Variants in SNTB1 observed in about 807,000 individuals in gnomAD.
SNTB1 encodes the protein beta-1-syntrophin.
Under a neutral mutation model 48.9 loss-of-function variants are expected in SNTB1, and 36 were observed. That is an observed-to-expected ratio of 0.74 (90% CI 0.56 to 0.97). SNTB1 has a LOEUF of 0.97. Ranked by LOEUF, SNTB1 falls within the 50% of genes least tolerant of loss-of-function variation. The pLI is 0.00. For missense variants in SNTB1, 786 were observed against 703.4 expected, an observed-to-expected ratio of 1.12 and a Z score of -1.33; for synonymous variants, 299 against 294.6, an observed-to-expected ratio of 1.01 and a Z score of -0.15.
chr8:120,698,825 A>G (rs1346778190), intron 1 of SNTB1, among the ~76,000 whole-genome samples: 1 of 152,212 alleles, frequency 6.6e-6, no homozygotes, highest in Admixed American at 6.5e-5. Context: ...AATTGGAAAT[A>G]GAGTGTGTGA....
intron 2 of SNTB1, among the ~76,000 whole-genome samples, chr8:120,692,351 G>A (rs1818142807): frequency 6.6e-6 from 1 of 152,112 alleles, no homozygotes; most frequent in African/African-American, 2.4e-5. Context: ...ATTCGGGTGG[G>A]TTGCAGCTGT....
intron 1 of SNTB1, among the ~76,000 whole-genome samples, chr8:120,751,552 A>G (rs528075947): frequency 1.3e-5 from 2 of 152,258 alleles, no homozygotes; most frequent in East Asian, 3.9e-4. Context: ...TTGGCACTGG[A>G]AGTAAATGTC....
At chr8:120,689,264 C>T (rs1475556574) in intron 2 of SNTB1, among the ~76,000 whole-genome samples, 1 of 152,180 alleles carries the variant, frequency 6.6e-6, no homozygotes, top group Non-Finnish European at 1.5e-5. Flanking sequence ...GATGCTGTGG[C>T]ATTTGTCATT....
At chr8:120,757,941 G>T (rs1819346260) in intron 1 of SNTB1, among the ~76,000 whole-genome samples, 1 of 152,108 alleles carries the variant, frequency 6.6e-6, no homozygotes. Context: ...GAGAAGAACA[G>T]AGAAAACTGG....
rs112663303 is a variant in SNTB1 at position 120,806,543 on chromosome 8, G to A, written c.571+4730C>T. Among the ~76,000 whole-genome samples, 626 of 152,268 alleles carry A rather than the reference G, an allele frequency of 4.1e-3. 1 individual carries two copies. Among genetic ancestry groups the A allele is most frequent in the Middle Eastern group, 0.017 (5 of 294 alleles). On this transcript the variant is annotated intron_variant, in intron 1 of 6. Coordinates refer to ENST00000517992, the MANE Select transcript of SNTB1 (RefSeq NM_021021.4). ...CGTTCTATTGATGTTTAAACTTAAAGTAGAGTTAGGCTATGTTATTTGTGA... is the reference window on the plus strand; with the variant it reads ...CGTTCTATTGATGTTTAAACTTAAAATAGAGTTAGGCTATGTTATTTGTGA...
intron 2 of SNTB1, among the ~76,000 whole-genome samples, chr8:120,636,562 G>A (rs1252786806): frequency 6.9e-6 from 1 of 145,756 alleles, no homozygotes; most frequent in African/African-American, 2.5e-5. Context: ...TCCCTACAAA[G>A]GACATGAACT....
intron 1 of SNTB1, among the ~76,000 whole-genome samples, chr8:120,755,994 G>A (rs1402028555): frequency 6.6e-6 from 1 of 152,092 alleles, no homozygotes; most frequent in Non-Finnish European, 1.5e-5. Flanking sequence ...CAGCTCCAGG[G>A]TCTGTACTCT....
intron 1 of SNTB1, among the ~76,000 whole-genome samples, chr8:120,810,511 C>A (rs746405213): frequency 5.3e-5 from 8 of 152,182 alleles, no homozygotes; most frequent in Non-Finnish European, 1.2e-4. Flanking sequence ...GTTTCCACAC[C>A]ACTCAGAAAG....
Position 120,599,112 on chromosome 8 carries a change from C to G in SNTB1, c.997-23887G>C, listed in dbSNP as rs545385826. On this transcript the variant is annotated intron_variant, in intron 3 of 6. Transcript: ENST00000517992. ...GGCTACCACAGGGCTCTGTAGAAAA[C>G]AAGCCAGGCAGGAAGAAAGGTGCTA... Among the ~76,000 whole-genome samples the G allele has an allele frequency of 3.9e-5, 6 of 152,274 alleles. No homozygotes were observed. The South Asian group carries it at 1.2e-3, about 32-fold the overall frequency.
intron 3 of SNTB1, among the ~76,000 whole-genome samples, chr8:120,575,558 T>C (rs1475223428): frequency 1.3e-5 from 2 of 152,220 alleles, no homozygotes; most frequent in African/African-American, 4.8e-5. Context: ...TTCCAGCTGA[T>C]TCACTGGTAC....
At chr8:120,733,710 A>C in intron 1 of SNTB1, among the ~76,000 whole-genome samples, 1 of 152,238 alleles carries the variant, frequency 6.6e-6, no homozygotes, top group Non-Finnish European at 1.5e-5. Context: ...AAGACTCTTA[A>C]GGAATGCAAA....
chr8:120,801,901 AC>A (rs1232052205), intron 1 of SNTB1, among the ~76,000 whole-genome samples: 2 of 152,136 alleles, frequency 1.3e-5, no homozygotes, highest in African/African-American at 4.8e-5. Flanking sequence ...TTCTACTAGG[AC>A]CAAATTCGAG....
At chr8:120,703,996 G>A (rs1818344925) in intron 1 of SNTB1, among the ~76,000 whole-genome samples, 1 of 152,214 alleles carries the variant, frequency 6.6e-6, no homozygotes, top group Non-Finnish European at 1.5e-5. Context: ...AATTGGCAGT[G>A]CTGAGATTTG....
At chr8:120,618,558 A>G (rs1816749835) in intron 3 of SNTB1, among the ~76,000 whole-genome samples, 1 of 152,240 alleles carries the variant, frequency 6.6e-6, no homozygotes, top group African/African-American at 2.4e-5. Context: ...GAATGAATGA[A>G]TTATAGGTGC....
At chr8:120,761,838 A>G (rs923735032) in intron 1 of SNTB1, among the ~76,000 whole-genome samples, 2 of 152,220 alleles carry the variant, frequency 1.3e-5, no homozygotes, top group Non-Finnish European at 2.9e-5. Flanking sequence ...GCACCCAGAG[A>G]CTTTTAATAG....
chr8:120,698,032 C>T (rs1306753099), intron 1 of SNTB1, among the ~76,000 whole-genome samples: 1 of 152,056 alleles, frequency 6.6e-6, no homozygotes, highest in Non-Finnish European at 1.5e-5. Context: ...ATATGTTTAA[C>T]TGGGCCCTTG....
At position 120,768,422 on chromosome 8, in the gene SNTB1, T is replaced by C. The variant is rs573947829; in HGVS notation, c.571+42851A>G. ...TTGGTACACAATGGTAAATCGTGTG[T>C]GCAAATAACACTAGCTACATTGGTA... On this transcript the variant is annotated intron_variant, in intron 1 of 6. Transcript: ENST00000517992. Among the ~76,000 whole-genome samples the C allele has an allele frequency of 3.9e-5, 6 of 152,310 alleles. No homozygotes were observed. The East Asian group carries it at 1.2e-3, about 29-fold the overall frequency.
chr8:120,568,353 G>A (rs1393489406), intron 4 of SNTB1, among the ~76,000 whole-genome samples: 1 of 152,146 alleles, frequency 6.6e-6, no homozygotes, highest in African/African-American at 2.4e-5. Flanking sequence ...CACAGAGAAG[G>A]CAGGGGACAT....
intron 2 of SNTB1, among the ~76,000 whole-genome samples, chr8:120,655,202 C>T (rs1055962334): frequency 6.6e-6 from 1 of 151,968 alleles, no homozygotes; most frequent in Non-Finnish European, 1.5e-5. Context: ...ACTTGTAAAC[C>T]TTTTGCGATA....
Sources: allele counts gnomAD v4.1 joint callset (sites outside exome capture counted in the v4.1 genomes callset), GRCh38; gene constraint gnomAD v4.1.1; transcripts MANE v1.5; gene names NCBI Gene and HGNC (gene_info 2026-07-23, HGNC 2026-07-21).